YME1L1: variants seen among roughly 807,000 people sequenced by gnomAD.
YME1L1 encodes YME1 like 1 ATPase, also known as ATP-dependent zinc metalloprotease YME1L1.
A neutral mutation model predicts 90.4 loss-of-function variants in YME1L1; 39 were observed. The observed-to-expected ratio is 0.43, with a 90% CI of 0.33 to 0.56. The LOEUF is 0.56. Among genes scored for constraint, YME1L1 ranks in the 20% least tolerant of loss-of-function variants. The pLI is 0.03. For synonymous variants in YME1L1, 284 were observed against 287.3 expected, an observed-to-expected ratio of 0.99 and a Z score of 0.12; for missense variants, 617 against 868.4, an observed-to-expected ratio of 0.71 and a Z score of 3.64.
chr10:27,139,773 C>T (rs1481042998), intron 4 of YME1L1, among the ~76,000 whole-genome samples: 1 of 152,172 alleles, frequency 6.6e-6, no homozygotes, highest in Admixed American at 6.5e-5. Flanking sequence ...TACTACCTTG[C>T]AATTTTAAAA....
At chr10:27,150,577 G>A (rs1398219439) in intron 1 of YME1L1, among the ~76,000 whole-genome samples, 1 of 152,172 alleles carries the variant, frequency 6.6e-6, no homozygotes, top group South Asian at 2.1e-4. Context: ...AAACTAAGAT[G>A]GAGAGGAGAG....
At chr10:27,152,204 C>T (rs2135912229) in intron 1 of YME1L1, among the ~76,000 whole-genome samples, 1 of 152,240 alleles carries the variant, frequency 6.6e-6, no homozygotes, top group Non-Finnish European at 1.5e-5. Flanking sequence ...ATATTTTCTA[C>T]CTCTTTGAAA....
chr10:27,115,544 G>A (rs1353427346), intron 17 of YME1L1, among the ~76,000 whole-genome samples: 4 of 151,836 alleles, frequency 2.6e-5, no homozygotes, highest in Non-Finnish European at 5.9e-5. Flanking sequence ...CTCACTCCTG[G>A]GCTCAAGCAA....
chr10:27,134,118 G>A lies in YME1L1; in HGVS notation c.696C>T (p.Ser232=), dbSNP rs1461448734. The change falls in exon 7 of 19, where the codon TCC becomes TCT. Residue 232 remains serine, a synonymous_variant. Coordinates refer to ENST00000376016, the MANE Select transcript of YME1L1 (RefSeq NM_014263.4). ...AGAGAATCAGACGGGTTCGCCTTAG[G>A]GAATCTAGGAGAGAAAGAAAAAGCT... ...AQALTQKTND[S]LRRTRLILFV... 6.8e-6 allele frequency: 11 copies of A among 1,610,246 alleles called. No individual in the cohort carries two copies. Among genetic ancestry groups the A allele is most frequent in the Non-Finnish European group, 8.5e-6 (10 of 1,178,306 alleles).
chr10:27,152,236 ATC>A (rs1228693332), intron 1 of YME1L1, among the ~76,000 whole-genome samples: 1 of 152,208 alleles, frequency 6.6e-6, no homozygotes, highest in African/African-American at 2.4e-5. Context: ...AATTAGTTAT[ATC>A]TCTTTTATTT....
intron 11 of YME1L1, 61 bp downstream of exon 11, chr10:27,122,780 C>T (rs2056880015): frequency 6.3e-7 from 1 of 1,595,468 alleles, no homozygotes; most frequent in African/African-American, 1.3e-5. Flanking sequence ...AAGATCAATT[C>T]TACGTATATC....
intron 4 of YME1L1, among the ~76,000 whole-genome samples, chr10:27,138,821 T>C (rs57132590): frequency 0.056 from 8,523 of 151,804 alleles, 260 homozygotes; most frequent in African/African-American, 0.083. Flanking sequence ...TCCAAATTAA[T>C]GCTGAAAAAA....
intron 1 of YME1L1, among the ~76,000 whole-genome samples, chr10:27,151,998 G>A (rs749741867): frequency 6.6e-6 from 1 of 151,620 alleles, no homozygotes; most frequent in East Asian, 1.9e-4. Context: ...GATTATGGGC[G>A]ATCTTATTTA....
chr10:27,126,718 A>T lies in YME1L1; in HGVS notation c.927T>A (p.Ile309=), dbSNP rs753301816. Residue 309 remains isoleucine, a synonymous_variant, in exon 9 of 19, where the codon ATT becomes ATA. Transcript: ENST00000376016. ...EFLKNPQKFT[I]LGGKLPKGIL... ...TACCTTTTGGAAGTTTACCTCCAAGAATAGTAAATTTTTGTGGATTTTTCA... is the reference window on the plus strand; with the variant it reads ...TACCTTTTGGAAGTTTACCTCCAAGTATAGTAAATTTTTGTGGATTTTTCA... The T allele has an allele frequency of 6.3e-7, 1 of 1,576,788 alleles. No individual in the cohort carries two copies. Among genetic ancestry groups the T allele is most frequent in the Non-Finnish European group, 8.6e-7 (1 of 1,159,694 alleles).
intron 16 of YME1L1, 22 bp from the exon 17 acceptor site, chr10:27,116,155 C>T: frequency 6.2e-7 from 1 of 1,613,408 alleles, no homozygotes; most frequent in East Asian, 2.2e-5. Flanking sequence ...TAAAAACATA[C>T]CATTTTAAAA....
At chr10:27,121,301 G>A (rs566841082) in intron 12 of YME1L1, 85 bp downstream of exon 12, 18 of 922,410 alleles carry the variant, frequency 2.0e-5, no homozygotes, top group Middle Eastern at 2.7e-4. Context: ...ATACAGTGTT[G>A]ATGTGATCTT....
In YME1L1 at chr10:27,136,371, G is replaced by A. The variant is rs1057519312; in HGVS notation, c.445C>T (p.Arg149Trp). 4 of 1,612,150 alleles carry A rather than the reference G, an allele frequency of 2.5e-6. No individual in the cohort carries two copies. The highest frequency in any genetic ancestry group is 1.7e-6 in the Non-Finnish European group (2 of 1,179,056). The change falls in exon 5 of 19, where the codon CGG becomes TGG. Residue 149 changes from arginine (R) to tryptophan (W), a missense_variant. Transcript: ENST00000376016. ...CTTGATTTCAAAGTTTTAAAACCCCGAGACTGTATGAAAACTAAATAAAAC... is the reference window on the plus strand; with the variant it reads ...CTTGATTTCAAAGTTTTAAAACCCCAAGACTGTATGAAAACTAAATAAAAC... ...LQYWPVFIQS[R>W]GFKTLKSRTR... is the part of the protein sequence containing the mutation.
intron 1 of YME1L1, chr10:27,153,166 G>GT: frequency 8.5e-6 from 4 of 470,248 alleles, no homozygotes; most frequent in South Asian, 6.2e-5. Flanking sequence ...ACCTTGCTAA[G>GT]TCCTACTCAT....
In YME1L1 at chr10:27,154,286, T is replaced by C; in HGVS notation, c.-76A>G. On this transcript the variant is annotated 5_prime_UTR_variant, in exon 1 of 19. Transcript: ENST00000376016. ...TGTCCACGGCCCGGCGGGGAGGCGC[T>C]GAGCCCTTCTTTTTTCCTTTTTCTC... is the stretch of plus-strand genomic sequence containing the variant. 6.6e-7 allele frequency: 1 copy of C among 1,514,604 alleles called. No homozygotes were observed. Among genetic ancestry groups the C allele is most frequent in the Non-Finnish European group, 8.9e-7 (1 of 1,123,182 alleles). The allele number at this position is 1,514,604 out of a possible 1,614,324, so 93.8% of individuals were successfully genotyped here. A position where few individuals can be genotyped will look rare whatever the true frequency, so the allele number is the denominator to read the frequency against.
intron 8 of YME1L1, among the ~76,000 whole-genome samples, chr10:27,128,979 G>A (rs554281603): frequency 2.0e-5 from 3 of 149,156 alleles, no homozygotes; most frequent in African/African-American, 7.4e-5. Context: ...TCAGCTACAA[G>A]GGAGGTTAAG....
rs1461249033 is a variant in YME1L1 at position 27,110,166 on chromosome 10, AAATTT to A, written c.*1806_*1810del. On this transcript the variant is annotated 3_prime_UTR_variant, in exon 19 of 19. Coordinates refer to ENST00000376016, the MANE Select transcript of YME1L1 (RefSeq NM_014263.4). ...ATTATACCTCAACAAATATGTAAAA[AAATTT>A]AAGACAGATAAGACTTTATCAATAT... The A allele has an allele frequency of 6.6e-6, 1 of 152,226 alleles. No homozygotes were observed. The highest frequency in any genetic ancestry group is 2.4e-5 in the African/African-American group (1 of 41,458). The allele number at this position is 152,226 out of a possible 1,614,324, so 9.4% of individuals were successfully genotyped here.
At chr10:27,142,058 T>C (rs986612116) in intron 4 of YME1L1, among the ~76,000 whole-genome samples, 1 of 127,436 alleles carries the variant, frequency 7.8e-6, no homozygotes, top group Non-Finnish European at 1.5e-5. Context: ...GCTCTTTTTT[T>C]CTCATATATA....
At chr10:27,135,577 G>C (rs2057019356) in intron 5 of YME1L1, among the ~76,000 whole-genome samples, 1 of 152,132 alleles carries the variant, frequency 6.6e-6, no homozygotes, top group Non-Finnish European at 1.5e-5. Flanking sequence ...ATCTGACGGA[G>C]GCATGAATCA....
chr10:27,147,511 G>C (rs1430639462), intron 2 of YME1L1: 3 of 1,611,058 alleles, frequency 1.9e-6, no homozygotes, highest in Admixed American at 1.7e-5. Flanking sequence ...GATTGAGAGG[G>C]AGAAGGGTTC....
Sources: gnomAD v4.1 joint callset for allele counts (sites outside exome capture counted in the v4.1 genomes callset) on GRCh38, gnomAD v4.1.1 for gene constraint, MANE v1.5 for transcripts, NCBI Gene and HGNC (gene_info 2026-07-23, HGNC 2026-07-21) for gene names.